Variants in SMLR1 observed in about 807,000 individuals in gnomAD.
The protein encoded by SMLR1 is small leucine rich protein 1, also known as small leucine-rich protein 1.
SMLR1 carries 3 observed loss-of-function variants against 6.1 expected under a neutral mutation model. That is an observed-to-expected ratio of 0.49 (90% CI 0.22 to 1.28). The LOEUF (loss-of-function observed/expected upper bound fraction) is 1.28. Among genes scored for constraint, SMLR1 ranks in the 50% most tolerant of loss-of-function variants. SMLR1 has a pLI of 0.19. For missense variants in SMLR1, 126 were observed against 124.8 expected, an observed-to-expected ratio of 1.01 and a Z score of -0.05; for synonymous variants, 55 against 53.6, an observed-to-expected ratio of 1.03 and a Z score of -0.11.
intron 1 of SMLR1, among the ~76,000 whole-genome samples, chr6:130,828,256 G>A (rs1271645943): frequency 6.6e-6 from 1 of 152,152 alleles, no homozygotes; most frequent in African/African-American, 2.4e-5. Context: ...GGAAGCTTAA[G>A]GTGATTTGGA....
chr6:130,830,905 G>A (rs932552621), intron 1 of SMLR1, among the ~76,000 whole-genome samples: 1 of 151,872 alleles, frequency 6.6e-6, no homozygotes, highest in Non-Finnish European at 1.5e-5. Flanking sequence ...CCCGCGTTTA[G>A]CATATAATCA....
At chr6:130,828,060 G>A (rs1055152672) in intron 1 of SMLR1, among the ~76,000 whole-genome samples, 17 of 77,950 alleles carry the variant, frequency 2.2e-4, no homozygotes, top group East Asian at 2.1e-3. Flanking sequence ...GTGTGTATGC[G>A]CCCGTGTGTG....
chr6:130,829,068 G>A (rs1583392060), intron 1 of SMLR1, among the ~76,000 whole-genome samples: 1 of 152,178 alleles, frequency 6.6e-6, no homozygotes, highest in Non-Finnish European at 1.5e-5. Flanking sequence ...ACGTCCCAGG[G>A]ACAATAAAAC....
chr6:130,832,796 C>T (rs1014175722), intron 1 of SMLR1, among the ~76,000 whole-genome samples: 1 of 152,168 alleles, frequency 6.6e-6, no homozygotes, highest in South Asian at 2.1e-4. Context: ...TCTGGAGTAT[C>T]GAGTCCTCAG....
chr6:130,834,526 A>G (rs1774577137), intron 1 of SMLR1, among the ~76,000 whole-genome samples: 1 of 152,208 alleles, frequency 6.6e-6, no homozygotes, highest in Non-Finnish European at 1.5e-5. Context: ...GCCCAGACAC[A>G]TTTTTGGGAG....
rs1478319688 is a variant in SMLR1, at chr6:130,835,151, C to A, written c.*196C>A. ...GGGACTTCTCAGAGACTCAGTATAACAGCAGCTCTTGAAAAGTACCAAGAA... is the reference window on the plus strand; with the variant it reads ...GGGACTTCTCAGAGACTCAGTATAAAAGCAGCTCTTGAAAAGTACCAAGAA... On this transcript the variant is annotated 3_prime_UTR_variant, in exon 2 of 2. Transcript: ENST00000541421. 3 of 562,886 alleles carry A rather than the reference C, an allele frequency of 5.3e-6. No individual in the cohort carries two copies. Among genetic ancestry groups the A allele is most frequent in the African/African-American group, 3.8e-5 (2 of 53,098 alleles). 34.9% of individuals were successfully genotyped at this position (562,886 alleles called of 1,614,324 possible). A position where few individuals can be genotyped will look rare whatever the true frequency, so the allele number is the denominator to read the frequency against.
chr6:130,828,655 C>A lies in SMLR1; in HGVS notation c.238+1004C>A, dbSNP rs6908154. On this transcript the variant is annotated intron_variant, in intron 1 of 1. Coordinates refer to ENST00000541421, the MANE Select transcript of SMLR1 (RefSeq NM_001195597.2). Reference sequence around the variant, plus strand: ...GAACATAAAGAAATCCTAGGAGACACAGACAGTATGTCATGGAATCAAGTT... The same window carrying A: ...GAACATAAAGAAATCCTAGGAGACAAAGACAGTATGTCATGGAATCAAGTT... Among the ~76,000 whole-genome samples, 96 of 152,148 alleles carry A rather than the reference C, an allele frequency of 6.3e-4. 1 individual carries two copies. In the East Asian group the frequency reaches 0.017, roughly 27 times the overall value.
chr6:130,835,598 G>C lies in SMLR1; in HGVS notation c.*643G>C, dbSNP rs1200090491. The C allele has an allele frequency of 1.3e-5, 2 of 152,206 alleles. No individual in the cohort carries two copies. Among genetic ancestry groups the C allele is most frequent in the Non-Finnish European group, 2.9e-5 (2 of 68,070 alleles). 9.4% of individuals were successfully genotyped at this position (152,206 alleles called of 1,614,324 possible). A position where few individuals can be genotyped will look rare whatever the true frequency, so the allele number is the denominator to read the frequency against. On this transcript the variant is annotated 3_prime_UTR_variant, in exon 2 of 2. Coordinates refer to ENST00000541421, the MANE Select transcript of SMLR1 (RefSeq NM_001195597.2). ...CACCCACAAATGTAGCTTTCAGCAT[G>C]ATGCGACCTGGAAATGTTGGCAATT...
rs1254860456 is a variant in SMLR1 at position 130,834,993 on chromosome 6, T to C, written c.*38T>C. On this transcript the variant is annotated 3_prime_UTR_variant, in exon 2 of 2. Transcript: ENST00000541421. ...TCCAATAACTAAAGCACAATGAGTT[T>C]CTACTGGTCAGCAAGCAATGGCCAA... 1.1e-5 allele frequency: 17 copies of C among 1,492,330 alleles called. No individual in the cohort carries two copies. In the South Asian group the frequency reaches 1.9e-4, roughly 17 times the overall value. The allele number at this position is 1,492,330 out of a possible 1,614,324, so 92.4% of individuals were successfully genotyped here.
chr6:130,836,367 T>G lies in SMLR1; in HGVS notation c.*1412T>G, dbSNP rs1056758983. 1 of 152,198 alleles carries G rather than the reference T, an allele frequency of 6.6e-6. No individual in the cohort carries two copies. The highest frequency in any genetic ancestry group is 1.5e-5 in the Non-Finnish European group (1 of 68,014). 9.4% of individuals were successfully genotyped at this position (152,198 alleles called of 1,614,324 possible). On this transcript the variant is annotated 3_prime_UTR_variant, in exon 2 of 2. Coordinates refer to ENST00000541421, the MANE Select transcript of SMLR1 (RefSeq NM_001195597.2). ...GGGAAATCAGCTTATGTAAAAATGCTTTCTTTAACAGAAAGTGTGAAAGGA... is the reference window on the plus strand; with the variant it reads ...GGGAAATCAGCTTATGTAAAAATGCGTTCTTTAACAGAAAGTGTGAAAGGA...
chr6:130,833,092 C>T (rs1447636657), intron 1 of SMLR1, among the ~76,000 whole-genome samples: 2 of 152,146 alleles, frequency 1.3e-5, no homozygotes, highest in African/African-American at 4.8e-5. Flanking sequence ...AACTGCCTAT[C>T]GAATCTCTCT....
At chr6:130,829,193 C>A (rs1446000244) in intron 1 of SMLR1, among the ~76,000 whole-genome samples, 1 of 152,134 alleles carries the variant, frequency 6.6e-6, no homozygotes, top group Non-Finnish European at 1.5e-5. Context: ...GTCTAGATAG[C>A]CTCATGGATA....
rs1030121260 is a variant in SMLR1, at chr6:130,834,934, C to T, written c.303C>T (p.Tyr101=). ...ATCCCAAGGATGGCTCTTCCCTGTA[C>T]CAGAGAATGAAATGGACGTGAAGTT... ...QHNPKDGSSL[Y]QRMKWT Residue 101 remains tyrosine (Y), a synonymous_variant, in exon 2 of 2, where the codon TAC becomes TAT. Transcript: ENST00000541421. 3.3e-6 allele frequency: 5 copies of T among 1,535,238 alleles called. No homozygotes were observed. Among genetic ancestry groups the T allele is most frequent in the Admixed American group, 3.9e-5 (2 of 50,976 alleles).
chr6:130,833,116 A>C (rs1774517896), intron 1 of SMLR1, among the ~76,000 whole-genome samples: 1 of 152,058 alleles, frequency 6.6e-6, no homozygotes, highest in Non-Finnish European at 1.5e-5. Flanking sequence ...CATCCTCCTT[A>C]ATAGACCCAA....
chr6:130,834,731 A>T (rs1260381472), intron 1 of SMLR1, 139 bp from the exon 2 acceptor site: 1 of 652,632 alleles, frequency 1.5e-6, no homozygotes, highest in African/African-American at 1.8e-5. Flanking sequence ...CTGTAATAGG[A>T]TCTGCTTGGA....
intron 1 of SMLR1, among the ~76,000 whole-genome samples, chr6:130,832,548 T>C (rs761132748): frequency 6.6e-6 from 1 of 152,182 alleles, no homozygotes; most frequent in Non-Finnish European, 1.5e-5. Context: ...AGCGAGGTAA[T>C]ACATATAAGG....
At position 130,834,968 on chromosome 6, in the gene SMLR1, TC is replaced by T. The variant is rs1266538518; in HGVS notation, c.*15del. The T allele has an allele frequency of 6.5e-7, 1 of 1,531,088 alleles. No individual in the cohort carries two copies. The highest frequency in any genetic ancestry group is 2.0e-5 in the Admixed American group (1 of 50,972). The allele number at this position is 1,531,088 out of a possible 1,614,324, so 94.8% of individuals were successfully genotyped here. ...GAAATGGACGTGAAGTTGGGGACTT[TC>T]CAATAACTAAAGCACAATGAGTTTC... is the stretch of plus-strand genomic sequence containing the variant. On this transcript the variant is annotated 3_prime_UTR_variant, in exon 2 of 2. Transcript: ENST00000541421.
At chr6:130,830,788 C>T (rs751880781) in intron 1 of SMLR1, among the ~76,000 whole-genome samples, 6 of 152,312 alleles carry the variant, frequency 3.9e-5, no homozygotes, top group South Asian at 4.1e-4. Context: ...GACCTCTGGT[C>T]GCCCTTACTG....
intron 1 of SMLR1, among the ~76,000 whole-genome samples, chr6:130,828,738 T>G (rs9388857): frequency 0.37 from 56,442 of 151,980 alleles, 11,148 homozygotes; most frequent in East Asian, 0.65. Context: ...GTGTCTCATT[T>G]TTATGAACAG....
Sources: allele counts gnomAD v4.1 joint callset (sites outside exome capture counted in the v4.1 genomes callset), GRCh38; gene constraint gnomAD v4.1.1; transcripts MANE v1.5; gene names NCBI Gene and HGNC (gene_info 2026-07-23, HGNC 2026-07-21).